The following PLSCR5 variants were observed in gnomAD, a reference collection of about 807,000 sequenced individuals.
PLSCR5 encodes phospholipid scramblase family, member 5.
A neutral mutation model predicts 33.6 loss-of-function variants in PLSCR5; 44 were observed. That is an observed-to-expected ratio of 1.31 (90% CI 1.03 to 1.69). The LOEUF is 1.69. PLSCR5 is among the 40% of genes most tolerant of loss of function. PLSCR5 has a pLI of 0.00. For missense variants in PLSCR5, 375 were observed against 318.7 expected (o/e 1.18, Z -1.34); for synonymous variants, 148 against 112.3 (o/e 1.32, Z -2.01).
chr3:146,600,279 T>G lies in PLSCR5; in HGVS notation c.189+9A>C. 1 of 1,543,434 alleles carries G rather than the reference T, an allele frequency of 6.5e-7. No homozygotes were observed. Among genetic ancestry groups the G allele is most frequent in the Non-Finnish European group, 8.8e-7 (1 of 1,141,028 alleles). On this transcript the variant is annotated intron_variant, in intron 2 of 7. Transcript: ENST00000443512. ...GAACATATCTGTAGTAATAGAAAGA[T>G]AAAAACACCTGGCTTAAATATTCTA...
chr3:146,580,220 C>T (rs2107845386), intron 7 of PLSCR5, among the ~76,000 whole-genome samples: 1 of 152,222 alleles, frequency 6.6e-6, no homozygotes, highest in East Asian at 1.9e-4. Flanking sequence ...TTGGAATGAA[C>T]TGATTTTATA....
chr3:146,583,290 G>A (rs540868806), downstream of PLSCR5, among the ~76,000 whole-genome samples: 1 of 152,212 alleles, frequency 6.6e-6, no homozygotes, highest in African/African-American at 2.4e-5. Flanking sequence ...CTACTTATTG[G>A]CATGTAAGAG....
chr3:146,588,934 T>C (rs1322399311), intron 6 of PLSCR5, among the ~76,000 whole-genome samples: 2 of 151,146 alleles, frequency 1.3e-5, no homozygotes, highest in East Asian at 1.9e-4. Flanking sequence ...AGAAAATACA[T>C]GTGTTTATAT....
chr3:146,591,607 T>A, intron 5 of PLSCR5, 113 bp downstream of exon 5: 2 of 1,184,910 alleles, frequency 1.7e-6, no homozygotes, highest in Non-Finnish European at 2.4e-6. Context: ...TACAAATATG[T>A]CATTTTCTGA....
Position 146,591,826 on chromosome 3 carries a change from T to TAACGTAA in PLSCR5, c.508_509insTTACGTT (p.Asp170ValfsTer8). On this transcript the variant is annotated frameshift_variant, in exon 5 of 8. Coordinates refer to ENST00000443512, the MANE Select transcript of PLSCR5 (RefSeq NM_001085420.2). LOFTEE classifies it high-confidence loss of function. ...GATTGTGAATTTAGGCAGAAAGGGG[T>TAACGTAA]CCCACTTCTGCGTAACGTAACCAAC... 6.2e-7 allele frequency: 1 copy of TAACGTAA among 1,612,276 alleles called. No homozygotes were observed. Among genetic ancestry groups the TAACGTAA allele is most frequent in the Non-Finnish European group, 8.5e-7 (1 of 1,178,838 alleles).
chr3:146,603,163 G>C (rs2044833784), intron 1 of PLSCR5, among the ~76,000 whole-genome samples: 1 of 152,108 alleles, frequency 6.6e-6, no homozygotes. Context: ...TAGTAGTGCT[G>C]ATTGATCTGC....
At position 146,605,341 on chromosome 3, in the gene PLSCR5, A is replaced by G. The variant is rs1231658359; in HGVS notation, c.-129T>C. On this transcript the variant is annotated 5_prime_UTR_variant, in exon 1 of 8. An upstream open reading frame in the 5' UTR loses its in-frame stop. Coordinates refer to ENST00000443512, the MANE Select transcript of PLSCR5 (RefSeq NM_001085420.2). Reference sequence around the variant, plus strand: ...GTGTTTGTCTGCCTCTTGTCAGCTTACATATAACAGAGGAAGGGAGTCCCT... The same window carrying G: ...GTGTTTGTCTGCCTCTTGTCAGCTTGCATATAACAGAGGAAGGGAGTCCCT... 1 of 1,522,916 alleles carries G rather than the reference A, an allele frequency of 6.6e-7. No homozygotes were observed. The highest frequency in any genetic ancestry group is 8.8e-7 in the Non-Finnish European group (1 of 1,132,986). 94.3% of individuals were successfully genotyped at this position (1,522,916 alleles called of 1,614,324 possible). A position where few individuals can be genotyped will look rare whatever the true frequency, so the allele number is the denominator to read the frequency against.
rs1163976283 is a variant in PLSCR5, at chr3:146,598,290, T to C, written c.189+1998A>G. Among the ~76,000 whole-genome samples the C allele has an allele frequency of 9.2e-5, 14 of 152,312 alleles. No individual in the cohort carries two copies. In the East Asian group the frequency reaches 2.5e-3, roughly 27 times the overall value. The stretch of plus-strand genomic sequence containing the variant: ...TGGCTTTTAGGGAAAAGTTGGCATC[T>C]AAAAATTCATTTTATATTGTGTCTC... On this transcript the variant is annotated intron_variant, in intron 2 of 7. Coordinates refer to ENST00000443512, the MANE Select transcript of PLSCR5 (RefSeq NM_001085420.2).
At chr3:146,589,876 G>A in intron 5 of PLSCR5, 62 bp from the exon 6 acceptor site, 1 of 1,116,718 alleles carries the variant, frequency 9.0e-7, no homozygotes, top group Non-Finnish European at 1.2e-6. Context: ...TTATACTTCT[G>A]AGGGTGTTTA....
chr3:146,577,614 T>C (rs1016323701), intron 7 of PLSCR5, among the ~76,000 whole-genome samples: 3 of 152,146 alleles, frequency 2.0e-5, no homozygotes, highest in African/African-American at 7.2e-5. Context: ...ACTAAATTGA[T>C]GGAAACTGTC....
At chr3:146,602,790 T>C (rs1386221365) in intron 1 of PLSCR5, among the ~76,000 whole-genome samples, 1 of 152,110 alleles carries the variant, frequency 6.6e-6, no homozygotes, top group East Asian at 1.9e-4. Context: ...GTTTGGCAAG[T>C]AGCTGTACAT....
At chr3:146,581,114 A>G (rs1031342395), downstream of PLSCR5, among the ~76,000 whole-genome samples, 1 of 152,220 alleles carries the variant, frequency 6.6e-6, no homozygotes, top group African/African-American at 2.4e-5. Flanking sequence ...AGTCCAGTGA[A>G]TAGATTCCTA....
intron 2 of PLSCR5, among the ~76,000 whole-genome samples, chr3:146,595,730 C>T (rs1221906214): frequency 1.3e-5 from 2 of 152,176 alleles, no homozygotes; most frequent in African/African-American, 4.8e-5. Context: ...TAAACAATCT[C>T]TGAATTATAA....
chr3:146,588,242 G>C (rs1177058151), intron 6 of PLSCR5, among the ~76,000 whole-genome samples: 1 of 152,040 alleles, frequency 6.6e-6, no homozygotes, highest in African/African-American at 2.4e-5. Flanking sequence ...AGGCCAAAGC[G>C]GGTGGATCAC....
chr3:146,588,665 T>C (rs1422757611), intron 6 of PLSCR5, among the ~76,000 whole-genome samples: 1 of 152,118 alleles, frequency 6.6e-6, no homozygotes, highest in Non-Finnish European at 1.5e-5. Flanking sequence ...TTTTCTATTG[T>C]CAGAAAGGAC....
intron 2 of PLSCR5, among the ~76,000 whole-genome samples, chr3:146,596,350 G>A (rs751843084): frequency 1.4e-4 from 21 of 152,116 alleles, no homozygotes; most frequent in Non-Finnish European, 2.8e-4. Flanking sequence ...CACCATGCTC[G>A]GCTAATTTTC....
At chr3:146,580,045 G>C (rs74801553) in intron 7 of PLSCR5, among the ~76,000 whole-genome samples, 5,537 of 152,226 alleles carry the variant, frequency 0.036, 119 homozygotes, top group Non-Finnish European at 0.049. Flanking sequence ...TGCGTTATTT[G>C]TTAGCTACTC....
At chr3:146,601,581 A>G (rs375265) in intron 1 of PLSCR5, among the ~76,000 whole-genome samples, 85,575 of 151,964 alleles carry the variant, frequency 0.56, 24,273 homozygotes, top group Non-Finnish European at 0.59. Context: ...AAAGAGAGGG[A>G]CAAGGAAATT....
downstream of PLSCR5, among the ~76,000 whole-genome samples, chr3:146,581,232 A>G (rs2044631122): frequency 6.6e-6 from 1 of 152,230 alleles, no homozygotes; most frequent in Non-Finnish European, 1.5e-5. Context: ...TTGCTTATAA[A>G]TTGTGTCTTG....
Sources: gnomAD v4.1 joint callset for allele counts (sites outside exome capture counted in the v4.1 genomes callset) on GRCh38, gnomAD v4.1.1 for gene constraint, MANE v1.5 for transcripts, NCBI Gene and HGNC (gene_info 2026-07-23, HGNC 2026-07-21) for gene names.